Variants in WWOX observed in about 807,000 individuals in gnomAD.
WWOX encodes WW domain-containing oxidoreductase.
Under a neutral mutation model 46.2 loss-of-function variants are expected in WWOX, and 69 were observed. The observed-to-expected ratio is 1.49, with a 90% confidence interval of 1.23 to 1.82. The LOEUF (loss-of-function observed/expected upper bound fraction) is 1.82, where lower values mean the gene tolerates loss of function less well. Ranked by LOEUF, WWOX falls within the 40% of genes most tolerant of loss-of-function variation. The pLI is 0.00. For synonymous variants in WWOX, 359 were observed against 202.6 expected (o/e 1.77, Z -6.56); for missense variants, 919 against 542.6 (o/e 1.69, Z -6.89).
rs191488200 is a variant in WWOX at position 78,901,080 on chromosome 16, C to T, written c.1057-310528C>T. 3.9e-5 allele frequency among the ~76,000 whole-genome samples: 6 copies of T among 152,302 alleles called. No homozygotes were observed. In the East Asian group the frequency reaches 7.7e-4, roughly 20 times the overall value. ...CCCTTGTATCAGAGTTTGCACACAT[C>T]TAGAAGTTCCGGTTCTCCCAGTCAT... On this transcript the variant is annotated intron_variant, in intron 8 of 8. Transcript: ENST00000566780.
chr16:78,867,579 C>T (rs1400006425), intron 8 of WWOX, among the ~76,000 whole-genome samples: 2 of 151,526 alleles, frequency 1.3e-5, no homozygotes, highest in Admixed American at 6.6e-5. Context: ...TTTGCTCTTT[C>T]ACCCAGGCTG....
intron 8 of WWOX, among the ~76,000 whole-genome samples, chr16:78,643,392 C>G (rs1360218350): frequency 1.3e-5 from 2 of 152,136 alleles, no homozygotes; most frequent in Non-Finnish European, 2.9e-5. Flanking sequence ...TTTCCAGTGG[C>G]TAGTTCAGGG....
At chr16:78,469,648 C>T (rs551949866) in intron 8 of WWOX, among the ~76,000 whole-genome samples, 5 of 152,248 alleles carry the variant, frequency 3.3e-5, no homozygotes, top group African/African-American at 7.2e-5. Flanking sequence ...TGTCTGAGTA[C>T]CGCGCAGATA....
chr16:78,295,537 C>A (rs767339266), intron 5 of WWOX, among the ~76,000 whole-genome samples: 1 of 152,126 alleles, frequency 6.6e-6, no homozygotes, highest in African/African-American at 2.4e-5. Context: ...CATGGTGAAA[C>A]CCTGTCTCTA....
chr16:78,532,001 G>A (rs1003470371), intron 8 of WWOX, among the ~76,000 whole-genome samples: 1 of 151,934 alleles, frequency 6.6e-6, no homozygotes, highest in Non-Finnish European at 1.5e-5. Context: ...GTTTTGGGTT[G>A]GGCGGGAGAT....
At chr16:78,763,060 A>G (rs964916706) in intron 8 of WWOX, among the ~76,000 whole-genome samples, 1 of 152,190 alleles carries the variant, frequency 6.6e-6, no homozygotes, top group Non-Finnish European at 1.5e-5. Flanking sequence ...GAACATTCAT[A>G]TTGCAATAAA....
chr16:79,147,801 T>C (rs766172776), intron 8 of WWOX, among the ~76,000 whole-genome samples: 10 of 152,348 alleles, frequency 6.6e-5, no homozygotes, highest in Non-Finnish European at 1.2e-4. Flanking sequence ...GATATTTCAC[T>C]GTGGTTTTAA....
chr16:79,085,566 T>C (rs1161834491), intron 8 of WWOX, among the ~76,000 whole-genome samples: 1 of 152,192 alleles, frequency 6.6e-6, no homozygotes, highest in African/African-American at 2.4e-5. Flanking sequence ...ACTTTCTCAA[T>C]AGGTTGAGTC....
chr16:78,428,395 G>A (rs376027096), intron 7 of WWOX, among the ~76,000 whole-genome samples: 6 of 152,342 alleles, frequency 3.9e-5, no homozygotes, highest in East Asian at 3.9e-4. Flanking sequence ...AGGACTGTCA[G>A]TGCTAGCTAA....
chr16:78,778,437 A>G (rs2050245192), intron 8 of WWOX, among the ~76,000 whole-genome samples: 1 of 152,236 alleles, frequency 6.6e-6, no homozygotes, highest in Non-Finnish European at 1.5e-5. Context: ...CCTCAGTATG[A>G]TTGATGCATG....
At chr16:78,815,046 C>T (rs562669450) in intron 8 of WWOX, among the ~76,000 whole-genome samples, 43 of 152,294 alleles carry the variant, frequency 2.8e-4, no homozygotes, top group South Asian at 1.0e-3. Context: ...TCGTCCAGGC[C>T]GGGCACAGTG....
At chr16:79,190,320 C>T (rs922050118) in intron 8 of WWOX, among the ~76,000 whole-genome samples, 1 of 152,082 alleles carries the variant, frequency 6.6e-6, no homozygotes, top group Admixed American at 6.5e-5. Context: ...CCACCGTGCC[C>T]GGCCTCATAT....
chr16:78,352,307 C>T (rs927583787), intron 5 of WWOX, among the ~76,000 whole-genome samples: 2 of 152,116 alleles, frequency 1.3e-5, no homozygotes, highest in African/African-American at 4.8e-5. Context: ...GACTTAGAAC[C>T]ACACAAAAGT....
At chr16:78,473,431 T>C (rs1054370604) in intron 8 of WWOX, among the ~76,000 whole-genome samples, 3 of 152,156 alleles carry the variant, frequency 2.0e-5, no homozygotes, top group African/African-American at 4.8e-5. Flanking sequence ...TTTTTATGTA[T>C]TGTTGATACA....
intron 8 of WWOX, among the ~76,000 whole-genome samples, chr16:78,479,363 C>G (rs950136740): frequency 6.6e-5 from 10 of 152,268 alleles, no homozygotes; most frequent in African/African-American, 2.2e-4. Flanking sequence ...AAGCAAAGAC[C>G]TAACTCAGCC....
In WWOX at chr16:79,200,577, C is replaced by T. The variant is rs577179651; in HGVS notation, c.1057-11031C>T. On this transcript the variant is annotated intron_variant, in intron 8 of 8. Transcript: ENST00000566780. ...ATATTGTGCGAATCAGAAGTAATAA[C>T]AGGTCGTTGGCACCTAAGAGACTCT... Among the ~76,000 whole-genome samples, 74 of 152,252 alleles carry T rather than the reference C, an allele frequency of 4.9e-4. 1 individual carries two copies. The highest frequency in any genetic ancestry group is 1.5e-3 in the African/African-American group (64 of 41,534).
At chr16:78,710,966 G>A (rs183135602) in intron 8 of WWOX, among the ~76,000 whole-genome samples, 1 of 152,136 alleles carries the variant, frequency 6.6e-6, no homozygotes, top group Admixed American at 6.6e-5. Context: ...TTTGTTTTGT[G>A]CTTGCTTATT....
chr16:79,210,787 G>A (rs1323145611), intron 8 of WWOX, among the ~76,000 whole-genome samples: 1 of 152,092 alleles, frequency 6.6e-6, no homozygotes, highest in Non-Finnish European at 1.5e-5. Flanking sequence ...CAGTTTGGAT[G>A]ATATGATGCC....
At chr16:79,016,322 A>T (rs1262824281) in intron 8 of WWOX, 1 of 152,220 alleles carries the variant, frequency 6.6e-6, no homozygotes, top group African/African-American at 2.4e-5. Flanking sequence ...ATGCTGTCAC[A>T]GTTGGGTGGT....
Sources: gnomAD v4.1 joint callset for allele counts (sites outside exome capture counted in the v4.1 genomes callset) on GRCh38, gnomAD v4.1.1 for gene constraint, MANE v1.5 for transcripts, NCBI Gene and HGNC (gene_info 2026-07-23, HGNC 2026-07-21) for gene names.